The following FOXN3 variants were observed in gnomAD, a reference collection of about 807,000 sequenced individuals.
FOXN3 encodes the protein forkhead box protein N3.
In FOXN3, 7 loss-of-function variants were observed where a neutral mutation model predicts 38.4. The observed-to-expected ratio is 0.18, with a 90% CI of 0.10 to 0.34. FOXN3 has a LOEUF of 0.34. Ranked by LOEUF, FOXN3 falls within the 10% of genes least tolerant of loss-of-function variation. FOXN3 has a pLI of 1.00. For missense variants in FOXN3, 456 were observed against 613.4 expected, an observed-to-expected ratio of 0.74 and a Z score of 2.71; for synonymous variants, 230 against 242.2, an observed-to-expected ratio of 0.95 and a Z score of 0.47.
At chr14:89,425,127 C>A (rs1490309538) in intron 1 of FOXN3, among the ~76,000 whole-genome samples, 1 of 142,472 alleles carries the variant, frequency 7.0e-6, no homozygotes, top group African/African-American at 2.6e-5. Context: ...TGCAGTGGCA[C>A]GATCTTGGCC....
intron 1 of FOXN3, among the ~76,000 whole-genome samples, chr14:89,504,847 C>T (rs901847012): frequency 3.9e-5 from 6 of 152,172 alleles, no homozygotes; most frequent in African/African-American, 1.2e-4. Flanking sequence ...CTTCCCCAAC[C>T]CCAGTTAGTC....
chr14:89,529,851 C>T (rs569474617), intron 1 of FOXN3, among the ~76,000 whole-genome samples: 45 of 152,014 alleles, frequency 3.0e-4, no homozygotes, highest in African/African-American at 9.9e-4. Context: ...GAAGTTGCAG[C>T]GAGCTATGAG....
chr14:89,369,382 C>A (rs1335072007), intron 2 of FOXN3, among the ~76,000 whole-genome samples: 1 of 152,162 alleles, frequency 6.6e-6, no homozygotes, highest in South Asian at 2.1e-4. Context: ...TTACAACCGA[C>A]CATGTGCCAA....
At chr14:89,456,313 G>T (rs1357711501) in intron 1 of FOXN3, among the ~76,000 whole-genome samples, 1 of 152,114 alleles carries the variant, frequency 6.6e-6, no homozygotes, top group Non-Finnish European at 1.5e-5. Context: ...GGGTATCCCA[G>T]GCCCATTTAT....
intron 1 of FOXN3, among the ~76,000 whole-genome samples, chr14:89,612,100 G>C (rs1249050075): frequency 6.6e-6 from 1 of 152,050 alleles, no homozygotes; most frequent in East Asian, 1.9e-4. Context: ...TTGACAGTGA[G>C]AACTATTAAT....
chr14:89,192,113 C>A (rs957621662), intron 4 of FOXN3, among the ~76,000 whole-genome samples: 20 of 146,246 alleles, frequency 1.4e-4, no homozygotes, highest in African/African-American at 4.7e-4. Flanking sequence ...ATATATTTGG[C>A]AACTCCAGGG....
At chr14:89,169,615 G>A (rs1207167682) in intron 5 of FOXN3, among the ~76,000 whole-genome samples, 2 of 152,004 alleles carry the variant, frequency 1.3e-5, no homozygotes, top group Non-Finnish European at 2.9e-5. Context: ...TCAATTGGGA[G>A]GTGGACAGAA....
At chr14:89,595,806 G>A (rs756538391) in intron 1 of FOXN3, among the ~76,000 whole-genome samples, 3 of 152,140 alleles carry the variant, frequency 2.0e-5, no homozygotes, top group South Asian at 2.1e-4. Context: ...CACGCATTAA[G>A]TATGTTTTTT....
chr14:89,473,863 ATT>A (rs1893157698), intron 1 of FOXN3, among the ~76,000 whole-genome samples: 2 of 152,222 alleles, frequency 1.3e-5, no homozygotes, highest in Non-Finnish European at 2.9e-5. Context: ...GCATATTTCA[ATT>A]TGTCATTTTA....
chr14:89,308,398 G>A (rs1348640678), intron 3 of FOXN3, among the ~76,000 whole-genome samples: 5 of 152,342 alleles, frequency 3.3e-5, no homozygotes, highest in East Asian at 1.9e-4. Flanking sequence ...GAGATGTCCC[G>A]CACCGTTCTG....
intron 4 of FOXN3, among the ~76,000 whole-genome samples, chr14:89,188,077 TG>T (rs982611544): frequency 6.6e-6 from 1 of 152,114 alleles, no homozygotes; most frequent in African/African-American, 2.4e-5. Flanking sequence ...GTTCTTGGCC[TG>T]GGGCTTTCAT....
At chr14:89,324,052 T>G (rs17125678) in intron 3 of FOXN3, among the ~76,000 whole-genome samples, 1 of 152,158 alleles carries the variant, frequency 6.6e-6, no homozygotes, top group Non-Finnish European at 1.5e-5. Flanking sequence ...AGACATCATA[T>G]AGACAACATC....
intron 1 of FOXN3, among the ~76,000 whole-genome samples, chr14:89,501,485 C>T (rs1442372379): frequency 6.6e-6 from 1 of 152,090 alleles, no homozygotes; most frequent in African/African-American, 2.4e-5. Context: ...TCATAAGTAG[C>T]TCACAACCAC....
Position 89,365,055 on chromosome 14 carries a change from CAG to C in FOXN3, c.544-14249_544-14248del, listed in dbSNP as rs1235290927. 4.6e-5 allele frequency among the ~76,000 whole-genome samples: 7 copies of C among 152,338 alleles called. No homozygotes were observed. The East Asian group carries it at 1.3e-3, about 29-fold the overall frequency. On this transcript the variant is annotated intron_variant, in intron 2 of 5. Coordinates refer to ENST00000557258, the MANE Select transcript of FOXN3 (RefSeq NM_005197.4). ...AATCTCTAGGAAAAGCCTGCTGTGACAGAGTTGTGTGGGGGCGGGAATTACAA... is the reference window on the plus strand; with the variant it reads ...AATCTCTAGGAAAAGCCTGCTGTGACAGTTGTGTGGGGGCGGGAATTACAA...
chr14:89,366,403 A>G (rs985292848), intron 2 of FOXN3, among the ~76,000 whole-genome samples: 3 of 152,176 alleles, frequency 2.0e-5, no homozygotes, highest in African/African-American at 7.2e-5. Flanking sequence ...AGTTGTTTGT[A>G]TCACACCCAC....
intron 1 of FOXN3, among the ~76,000 whole-genome samples, chr14:89,519,032 G>A (rs913054464): frequency 6.6e-6 from 1 of 152,062 alleles, no homozygotes; most frequent in African/African-American, 2.4e-5. Flanking sequence ...CAAAAAAAGA[G>A]AATAAGTTCT....
At chr14:89,410,902 G>A (rs113604142) in intron 2 of FOXN3, among the ~76,000 whole-genome samples, 20 of 109,414 alleles carry the variant, frequency 1.8e-4, no homozygotes, top group East Asian at 9.0e-4. Context: ...AAAGAAAAAA[G>A]AAAAAAGAAA....
At chr14:89,563,130 C>G (rs1044561269) in intron 1 of FOXN3, among the ~76,000 whole-genome samples, 2 of 152,176 alleles carry the variant, frequency 1.3e-5, no homozygotes, top group Non-Finnish European at 2.9e-5. Flanking sequence ...GTCCTATCTG[C>G]AAAGAATTGA....
intron 4 of FOXN3, among the ~76,000 whole-genome samples, chr14:89,207,346 A>G (rs1888412606): frequency 6.6e-6 from 1 of 152,186 alleles, no homozygotes; most frequent in Non-Finnish European, 1.5e-5. Context: ...TAAAAAAAAA[A>G]CAACTGGCTA....
Sources: gnomAD v4.1 joint callset for allele counts (sites outside exome capture counted in the v4.1 genomes callset) on GRCh38, gnomAD v4.1.1 for gene constraint, MANE v1.5 for transcripts, NCBI Gene and HGNC (gene_info 2026-07-23, HGNC 2026-07-21) for gene names.